The following COL28A1 variants were observed in gnomAD, a reference collection of about 807,000 sequenced individuals.
The protein encoded by COL28A1 is collagen type XXVIII alpha 1 chain.
Under a neutral mutation model 150.2 loss-of-function variants are expected in COL28A1, and 161 were observed. That is an observed-to-expected ratio of 1.07 (90% CI 0.94 to 1.22). The LOEUF is 1.22. Among genes scored for constraint, COL28A1 ranks in the 50% most tolerant of loss-of-function variants. COL28A1 has a pLI of 0.00. For missense variants in COL28A1, 1,617 were observed against 1,388.3 expected, an observed-to-expected ratio of 1.16 and a Z score of -2.62; for synonymous variants, 552 against 469.7, an observed-to-expected ratio of 1.18 and a Z score of -2.26.
intron 15 of COL28A1, among the ~76,000 whole-genome samples, chr7:7,458,429 A>G (rs1055095881): frequency 6.6e-6 from 1 of 152,076 alleles, no homozygotes. Context: ...AAAAAAAACA[A>G]AACAAAAAAC....
rs966247807 is a variant in COL28A1 at position 7,371,003 on chromosome 7, C to T, written c.2909-121G>A. ...ATTTCCCATTACTTGAAATCAACTGCTAAGTTAACGAACTTATAAAAGCAT... is the reference window on the plus strand; with the variant it reads ...ATTTCCCATTACTTGAAATCAACTGTTAAGTTAACGAACTTATAAAAGCAT... On this transcript the variant is annotated intron_variant, in intron 32 of 34. Coordinates refer to ENST00000399429, the MANE Select transcript of COL28A1 (RefSeq NM_001037763.3). The T allele has an allele frequency of 5.9e-6, 4 of 680,224 alleles. No homozygotes were observed. The African/African-American group carries it at 7.3e-5, about 12-fold the overall frequency. 42.1% of individuals were successfully genotyped at this position (680,224 alleles called of 1,614,324 possible).
intron 9 of COL28A1, among the ~76,000 whole-genome samples, chr7:7,510,592 A>G (rs1407775591): frequency 2.6e-5 from 4 of 152,100 alleles, no homozygotes; most frequent in African/African-American, 9.7e-5. Flanking sequence ...GCCTATATTT[A>G]TTTTTTAAAA....
intron 27 of COL28A1, among the ~76,000 whole-genome samples, chr7:7,401,848 G>A (rs1033988940): frequency 1.3e-5 from 2 of 152,134 alleles, no homozygotes; most frequent in African/African-American, 4.8e-5. Context: ...AATGCTCACT[G>A]CATTCCAAAT....
Position 7,453,620 on chromosome 7 carries a change from T to C in COL28A1, c.1372-112A>G, listed in dbSNP as rs1786892759. ...ATAAGTTACTTACACTCAATAAGCA[T>C]TTGTGGAGTGGGGTGCCAGGGGCTG... On this transcript the variant is annotated intron_variant, in intron 16 of 34. Coordinates refer to ENST00000399429, the MANE Select transcript of COL28A1 (RefSeq NM_001037763.3). 6 of 660,266 alleles carry C rather than the reference T, an allele frequency of 9.1e-6. No homozygotes were observed. The South Asian group carries it at 1.1e-4, about 12-fold the overall frequency. 40.9% of individuals were successfully genotyped at this position (660,266 alleles called of 1,614,324 possible).
At chr7:7,339,052 C>T in the COL28A1 span, among the ~76,000 whole-genome samples, 1 of 151,984 alleles carries the variant, frequency 6.6e-6, no homozygotes, top group African/African-American at 2.4e-5. Context: ...TAAGCCGACT[C>T]CAAATGCACG....
the COL28A1 span, among the ~76,000 whole-genome samples, chr7:7,341,439 C>G: frequency 6.6e-6 from 1 of 151,990 alleles, no homozygotes; most frequent in Non-Finnish European, 1.5e-5. Context: ...AGGTCTTGCT[C>G]TGTTGCCCAG....
At chr7:7,540,358 G>C (rs974387477), upstream of COL28A1, among the ~76,000 whole-genome samples, 8 of 152,146 alleles carry the variant, frequency 5.3e-5, no homozygotes, top group Non-Finnish European at 8.8e-5. Context: ...CTAGATCTTG[G>C]TGAATTATTT....
intron 27 of COL28A1, among the ~76,000 whole-genome samples, chr7:7,408,802 C>T (rs1019485670): frequency 6.6e-6 from 1 of 152,084 alleles, no homozygotes; most frequent in Admixed American, 6.6e-5. Context: ...AAAAAAAGAC[C>T]TCACTTTATA....
At chr7:7,510,197 G>A (rs1440615150) in intron 9 of COL28A1, among the ~76,000 whole-genome samples, 3 of 152,022 alleles carry the variant, frequency 2.0e-5, no homozygotes, top group African/African-American at 7.2e-5. Context: ...TCATGTTTCA[G>A]ATATACTCTC....
chr7:7,492,165 A>G (rs1356261791), intron 11 of COL28A1, among the ~76,000 whole-genome samples: 5 of 152,168 alleles, frequency 3.3e-5, no homozygotes, highest in African/African-American at 1.2e-4. Flanking sequence ...AAGGGAGATA[A>G]AGGAGTTTTC....
At chr7:7,360,853 G>T (rs544995412) in intron 33 of COL28A1, among the ~76,000 whole-genome samples, 1 of 152,196 alleles carries the variant, frequency 6.6e-6, no homozygotes, top group Non-Finnish European at 1.5e-5. Flanking sequence ...TGTGAAAGAT[G>T]CAAAGTTGAG....
At chr7:7,452,662 G>T (rs142217375) in intron 17 of COL28A1, among the ~76,000 whole-genome samples, 2 of 152,318 alleles carry the variant, frequency 1.3e-5, no homozygotes, top group East Asian at 3.9e-4. Context: ...CCCTTGTGGA[G>T]GGTATCTGGA....
Position 7,532,878 on chromosome 7 carries a change from T to C in COL28A1, c.-3A>G, listed in dbSNP as rs377367044. 1.9e-5 allele frequency: 30 copies of C among 1,594,276 alleles called. No homozygotes were observed. The highest frequency in any genetic ancestry group is 2.5e-5 in the Non-Finnish European group (29 of 1,174,378). ...AAGACAAAATATCTGTTCCACATTA[T>C]GGTAGATGGTGAAAAATCATCTGTC... On this transcript the variant is annotated 5_prime_UTR_variant, in exon 2 of 35. Transcript: ENST00000399429.
At chr7:7,376,236 A>C (rs1462300488) in intron 30 of COL28A1, among the ~76,000 whole-genome samples, 1 of 152,200 alleles carries the variant, frequency 6.6e-6, no homozygotes, top group African/African-American at 2.4e-5. Flanking sequence ...TTAAAGCTAA[A>C]AGAGATGATT....
intron 25 of COL28A1, among the ~76,000 whole-genome samples, chr7:7,432,231 A>G (rs1785023062): frequency 6.6e-6 from 1 of 152,176 alleles, no homozygotes; most frequent in East Asian, 1.9e-4. Flanking sequence ...TGATCTTGGT[A>G]TAAGAAGAGG....
intron 11 of COL28A1, among the ~76,000 whole-genome samples, chr7:7,503,203 T>C (rs536600020): frequency 6.6e-6 from 1 of 152,206 alleles, no homozygotes; most frequent in Non-Finnish European, 1.5e-5. Flanking sequence ...AGCAGACTTG[T>C]GGGTTTCAAT....
At chr7:7,463,584 G>A (rs1048332113) in intron 15 of COL28A1, among the ~76,000 whole-genome samples, 1 of 152,142 alleles carries the variant, frequency 6.6e-6, no homozygotes, top group African/African-American at 2.4e-5. Flanking sequence ...CTTCATAAAT[G>A]AAGGAAAGAT....
intron 7 of COL28A1, among the ~76,000 whole-genome samples, chr7:7,516,340 T>C (rs923410492): frequency 2.6e-5 from 4 of 152,214 alleles, no homozygotes; most frequent in South Asian, 4.1e-4. Context: ...GTCTAAGATA[T>C]ATAACATCAA....
intron 27 of COL28A1, among the ~76,000 whole-genome samples, chr7:7,415,637 G>C (rs1247937507): frequency 6.6e-6 from 1 of 152,148 alleles, no homozygotes; most frequent in Non-Finnish European, 1.5e-5. Context: ...GGATTCAAGC[G>C]ATTCTCCTGC....
Sources: gnomAD v4.1 joint callset for allele counts (sites outside exome capture counted in the v4.1 genomes callset) on GRCh38, gnomAD v4.1.1 for gene constraint, MANE v1.5 for transcripts, NCBI Gene and HGNC (gene_info 2026-07-23, HGNC 2026-07-21) for gene names.